The following HLA-DQA1 variants were observed in gnomAD, a reference collection of about 807,000 sequenced individuals.
The protein encoded by HLA-DQA1 is HLA class II histocompatibility antigen, DQ alpha 1 chain.
In HLA-DQA1, 10 loss-of-function variants were observed where a neutral mutation model predicts 20.7. The ratio of observed to expected loss-of-function variants is 0.48; its 90% CI spans 0.30 to 0.82. The LOEUF (loss-of-function observed/expected upper bound fraction) is 0.82, where lower values mean the gene tolerates loss of function less well. Ranked by LOEUF, HLA-DQA1 falls within the 40% of genes least tolerant of loss-of-function variation. The pLI is 0.07. For missense variants in HLA-DQA1, 127 were observed against 293.0 expected (o/e 0.43, Z 4.14); for synonymous variants, 39 against 109.2 (o/e 0.36, Z 4.01).
At chr6:32,652,566 T>C in the HLA-DQA1 span, among the ~76,000 whole-genome samples, 1 of 96,632 alleles carries the variant, frequency 1.0e-5, no homozygotes, top group Non-Finnish European at 2.3e-5. Context: ...TAGAAAATGA[T>C]GAACAATTTT....
intron 1 of HLA-DQA1, among the ~76,000 whole-genome samples, chr6:32,640,946 G>GCACCCTTTTTTC (rs1781346735): frequency 9.9e-6 from 1 of 101,450 alleles, no homozygotes; most frequent in Non-Finnish European, 2.2e-5. Flanking sequence ...GAAGCAGAGG[G>GCACCCTTTTTTC]AAGTAAACCT....
At chr6:32,648,324 C>A (rs1401882120), downstream of HLA-DQA1, among the ~76,000 whole-genome samples, 2 of 86,886 alleles carry the variant, frequency 2.3e-5, 1 homozygote, top group Non-Finnish European at 5.1e-5. Flanking sequence ...AGAGACACAA[C>A]AAAAAAAAGA....
Position 32,643,184 on chromosome 6 carries a change from G to A in HLA-DQA1, c.*253G>A. 2 of 354,110 alleles carry A rather than the reference G, an allele frequency of 5.6e-6. No individual in the cohort carries two copies. The highest frequency in any genetic ancestry group is 1.1e-5 in the Non-Finnish European group (2 of 179,488). The allele number at this position is 354,110 out of a possible 1,614,324, so 21.9% of individuals were successfully genotyped here. A position where few individuals can be genotyped will look rare whatever the true frequency, so the allele number is the denominator to read the frequency against. ...TGTTACCTACAAAGACATGCCTGGG[G>A]TAAGCCACCCGGCTACCTAATTCCT... On this transcript the variant is annotated 3_prime_UTR_variant, in exon 5 of 5. Transcript: ENST00000343139.
At chr6:32,655,213 C>T in the HLA-DQA1 span, among the ~76,000 whole-genome samples, 66,021 of 127,340 alleles carry the variant, frequency 0.52, 17,371 homozygotes, top group Middle Eastern at 0.66. Flanking sequence ...AAAATTTTTT[C>T]GAAGTGTAAC....
the HLA-DQA1 span, among the ~76,000 whole-genome samples, chr6:32,652,365 T>A: frequency 5.6e-5 from 2 of 35,864 alleles, 1 homozygote; most frequent in African/African-American, 1.8e-4. Context: ...TGAAAGGACA[T>A]AAATTTTACC....
chr6:32,642,564 C>T lies in HLA-DQA1; in HGVS notation c.614-46C>T. On this transcript the variant is annotated intron_variant, in intron 3 of 4. Transcript: ENST00000343139. Reference sequence around the variant, plus strand: ...CCCCATCCCATCCCACACACATGCACATGAGCACACTCTGCATTCTGACCT... The same window carrying T: ...CCCCATCCCATCCCACACACATGCATATGAGCACACTCTGCATTCTGACCT... 15 of 1,380,390 alleles carry T rather than the reference C, an allele frequency of 1.1e-5. 1 individual carries two copies. Among genetic ancestry groups the T allele is most frequent in the Non-Finnish European group, 1.5e-5 (15 of 990,260 alleles). 85.5% of individuals were successfully genotyped at this position (1,380,390 alleles called of 1,614,324 possible).
At chr6:32,647,545 T>TA (rs200709807), downstream of HLA-DQA1, among the ~76,000 whole-genome samples, 6 of 109,684 alleles carry the variant, frequency 5.5e-5, no homozygotes, top group Admixed American at 1.1e-4. Flanking sequence ...GCAAAGTTTT[T>TA]TAAAAATGCA....
At position 32,640,906 on chromosome 6, in the gene HLA-DQA1, T is replaced by G. The variant is rs6930069; in HGVS notation, c.83-404T>G. Among the ~76,000 whole-genome samples the G allele has an allele frequency of 2.2e-3, 231 of 103,876 alleles. 4 individuals are homozygous for G. The highest frequency in any genetic ancestry group is 0.014 in the Middle Eastern group (2 of 146). The allele number at this position is 103,876 out of a possible 152,430, so 68.1% of individuals were successfully genotyped here. A position where few individuals can be genotyped will look rare whatever the true frequency, so the allele number is the denominator to read the frequency against. On this transcript the variant is annotated intron_variant, in intron 1 of 4. Coordinates refer to ENST00000343139, the MANE Select transcript of HLA-DQA1 (RefSeq NM_002122.5). ...GTATAATCAATTTGTTATTAACCAA[T>G]GAAAGAATTAAGTGAAAGATAAATC...
downstream of HLA-DQA1, chr6:32,644,418 T>C (rs1359029484): frequency 6.6e-6 from 1 of 152,170 alleles, no homozygotes; most frequent in Admixed American, 6.6e-5. Context: ...TATTTTAAAC[T>C]TTATAAATGT....
chr6:32,652,682 C>A, the HLA-DQA1 span, among the ~76,000 whole-genome samples: 1 of 141,284 alleles, frequency 7.1e-6, no homozygotes, highest in Non-Finnish European at 1.5e-5. Context: ...GGTGCATGTA[C>A]CTCATTTTGT....
downstream of HLA-DQA1, among the ~76,000 whole-genome samples, chr6:32,648,547 T>C (rs1267550366): frequency 2.1e-5 from 2 of 96,986 alleles, 1 homozygote; most frequent in Non-Finnish European, 4.6e-5. Context: ...ATTATCTCAA[T>C]AGATGCAGAA....
At chr6:32,653,922 A>C in the HLA-DQA1 span, among the ~76,000 whole-genome samples, 2,196 of 63,536 alleles carry the variant, frequency 0.035, 145 homozygotes, top group Admixed American at 0.048. Context: ...CCTCACTTAC[A>C]TGTGGAATCT....
At chr6:32,642,355 T>A in intron 3 of HLA-DQA1, 102 bp downstream of exon 3, 1 of 795,008 alleles carries the variant, frequency 1.3e-6, no homozygotes, top group Non-Finnish European at 1.9e-6. Context: ...CCACACTTCA[T>A]GGGTTTCTTT....
chr6:32,654,189 A>G, the HLA-DQA1 span, among the ~76,000 whole-genome samples: 3 of 93,930 alleles, frequency 3.2e-5, no homozygotes, highest in Admixed American at 1.3e-4. Flanking sequence ...CAGTAGTCCC[A>G]GCTACTCCAG....
At position 32,642,652 on chromosome 6, in the gene HLA-DQA1, TG is replaced by T; in HGVS notation, c.658del (p.Val220SerfsTer57). On this transcript the variant is annotated frameshift_variant, in exon 4 of 5. Coordinates refer to ENST00000343139, the MANE Select transcript of HLA-DQA1 (RefSeq NM_002122.5). LOFTEE classifies it high-confidence loss of function. The stretch of plus-strand genomic sequence containing the variant: ...CCTATGTCAGAGCTCACAGAGACTG[TG>T]GTCTGTGCCCTGGGGTTGTCTGTGG... ...PAPMSELTET[V>X]VCALGLSVGL... 4 of 1,340,822 alleles carry T rather than the reference TG, an allele frequency of 3.0e-6. No homozygotes were observed. The highest frequency in any genetic ancestry group is 4.1e-6 in the Non-Finnish European group (4 of 972,538). The allele number at this position is 1,340,822 out of a possible 1,614,324, so 83.1% of individuals were successfully genotyped here.
At chr6:32,651,588 C>CAAAAAAAAAAAAAAAAAAAAAAAAAA (rs70996710), downstream of HLA-DQA1, among the ~76,000 whole-genome samples, 3 of 15,282 alleles carry the variant, frequency 2.0e-4, no homozygotes, top group African/African-American at 5.8e-4. Flanking sequence ...CGTCTCAAAG[C>CAAAAAAAAAAAAAAAAAAAAAAAAAA]AAAAAAAAAA....
chr6:32,654,372 C>T, the HLA-DQA1 span, among the ~76,000 whole-genome samples: 18,178 of 119,148 alleles, frequency 0.15, 2,105 homozygotes, highest in Admixed American at 0.16. Context: ...ATGGTGACTA[C>T]GGTTAATAAT....
intron 1 of HLA-DQA1, chr6:32,639,172 T>C (rs9272547): frequency 0.29 from 49,967 of 171,242 alleles, 14,237 homozygotes; most frequent in Admixed American, 0.43. Context: ...CTTGGCTCAT[T>C]CATTAGGCAC....
At chr6:32,638,240 ATTTCT>A (rs1313172019) in intron 1 of HLA-DQA1, among the ~76,000 whole-genome samples, 1 of 107,446 alleles carries the variant, frequency 9.3e-6, no homozygotes, top group Non-Finnish European at 2.0e-5. Context: ...ATAGCTTCAC[ATTTCT>A]TTTCTTTAGC....
Sources: allele counts gnomAD v4.1 joint callset (sites outside exome capture counted in the v4.1 genomes callset), GRCh38; gene constraint gnomAD v4.1.1; transcripts MANE v1.5; gene names NCBI Gene and HGNC (gene_info 2026-07-23, HGNC 2026-07-21).